C22orf42: variants seen among roughly 807,000 people sequenced by gnomAD.
The protein encoded by C22orf42 is uncharacterized protein C22orf42.
A neutral mutation model predicts 31.4 loss-of-function variants in C22orf42; 24 were observed. The ratio of observed to expected loss-of-function variants is 0.77; its 90% CI spans 0.55 to 1.08. The LOEUF (loss-of-function observed/expected upper bound fraction) is 1.08. Ranked by LOEUF, C22orf42 falls within the 50% of genes least tolerant of loss-of-function variation. The pLI, the probability that C22orf42 is intolerant of heterozygous loss-of-function variation, is 0.00. For missense variants in C22orf42, 276 were observed against 327.3 expected (o/e 0.84, Z 1.21); for synonymous variants, 96 against 112.7 (o/e 0.85, Z 0.94).
chr22:32,159,238 A>C lies in C22orf42; in HGVS notation c.-23T>G, dbSNP rs781361748. 3.7e-5 allele frequency: 60 copies of C among 1,609,288 alleles called. No homozygotes were observed. The highest frequency in any genetic ancestry group is 5.0e-5 in the Non-Finnish European group (59 of 1,179,638). ...CATTGGGCACCTAAACACACAAAAA[A>C]GTCCAAGAGGCACAAGGACAGAATG... On this transcript the variant is annotated 5_prime_UTR_variant, in exon 1 of 9. Transcript: ENST00000382097.
intron 1 of C22orf42, among the ~76,000 whole-genome samples, chr22:32,155,541 C>T (rs28507103): frequency 0.22 from 32,062 of 146,594 alleles, 3,550 homozygotes; most frequent in Middle Eastern, 0.29. Flanking sequence ...GCTTCTGCTT[C>T]CCCTGCTCCG....
At chr22:32,151,901 G>T (rs1920991514) in intron 4 of C22orf42, among the ~76,000 whole-genome samples, 166 bp downstream of exon 4, 1 of 152,154 alleles carries the variant, frequency 6.6e-6, no homozygotes, top group Admixed American at 6.5e-5. Flanking sequence ...GTGACTACTA[G>T]TGGGGTTTCT....
intron 1 of C22orf42, among the ~76,000 whole-genome samples, chr22:32,158,751 A>G (rs919632032): frequency 3.9e-5 from 6 of 152,212 alleles, no homozygotes; most frequent in Non-Finnish European, 7.3e-5. Context: ...TTGAAATTTT[A>G]CTGAGAAAAG....
chr22:32,153,085 A>C (rs958224060), intron 2 of C22orf42, among the ~76,000 whole-genome samples: 4 of 152,234 alleles, frequency 2.6e-5, no homozygotes, highest in Admixed American at 2.6e-4. Context: ...TTAAGTGTGC[A>C]TTTTAATGAG....
At chr22:32,150,938 A>G in intron 6 of C22orf42, 54 bp downstream of exon 6, 4 of 1,534,316 alleles carry the variant, frequency 2.6e-6, no homozygotes, top group Non-Finnish European at 3.6e-6. Flanking sequence ...AAATGGGTGA[A>G]TGTTTTGCAT....
Position 32,159,234 on chromosome 22 carries a change from A to C in C22orf42, c.-19T>G. 2 of 1,610,004 alleles carry C rather than the reference A, an allele frequency of 1.2e-6. No homozygotes were observed. The highest frequency in any genetic ancestry group is 1.7e-6 in the Non-Finnish European group (2 of 1,179,744). On this transcript the variant is annotated 5_prime_UTR_variant, in exon 1 of 9. Coordinates refer to ENST00000382097, the MANE Select transcript of C22orf42 (RefSeq NM_001010859.3). ...TCCCCATTGGGCACCTAAACACACA[A>C]AAAAGTCCAAGAGGCACAAGGACAG...
intron 3 of C22orf42, 150 bp from the exon 4 acceptor site, chr22:32,152,244 C>T (rs1450986427): frequency 1.1e-6 from 1 of 934,714 alleles, no homozygotes; most frequent in Non-Finnish European, 1.7e-6. Context: ...ATAGAGGATG[C>T]TTGTGGAAAA....
At chr22:32,159,346 T>C (rs546445829), upstream of C22orf42, 32 of 1,447,630 alleles carry the variant, frequency 2.2e-5, no homozygotes, top group African/African-American at 4.6e-4. Context: ...CCACAAAACC[T>C]CCTATGTCAC....
chr22:32,157,966 C>T (rs1014748565), intron 1 of C22orf42, among the ~76,000 whole-genome samples: 26 of 152,218 alleles, frequency 1.7e-4, no homozygotes, highest in African/African-American at 5.1e-4. Flanking sequence ...TGCAGGGGGG[C>T]GGGGGTTGTT....
intron 2 of C22orf42, among the ~76,000 whole-genome samples, chr22:32,153,513 G>T (rs548180927): frequency 6.6e-6 from 1 of 152,304 alleles, no homozygotes; most frequent in East Asian, 1.9e-4. Context: ...CAAAACTCAG[G>T]AGAAATAGAT....
rs902174114 is a variant in C22orf42, at chr22:32,149,307, C to T, written c.*233G>A. 9.5e-6 allele frequency: 3 copies of T among 314,346 alleles called. No individual in the cohort carries two copies. Among genetic ancestry groups the T allele is most frequent in the Non-Finnish European group, 1.7e-5 (3 of 178,858 alleles). 19.5% of individuals were successfully genotyped at this position (314,346 alleles called of 1,614,324 possible). On this transcript the variant is annotated 3_prime_UTR_variant, in exon 9 of 9. Coordinates refer to ENST00000382097, the MANE Select transcript of C22orf42 (RefSeq NM_001010859.3). ...CACTCTGTAATGACCCAGGATGGGG[C>T]GGGTGTTCTTCTGCATGGTGACTGA...
At chr22:32,152,732 T>G in intron 2 of C22orf42, 106 bp from the exon 3 acceptor site, 2 of 1,045,438 alleles carry the variant, frequency 1.9e-6, no homozygotes, top group Admixed American at 3.4e-5. Flanking sequence ...GGTGGGCGGT[T>G]GACAGGCATG....
At chr22:32,149,919 G>A in intron 7 of C22orf42, 139 bp from the exon 8 acceptor site, 1 of 625,980 alleles carries the variant, frequency 1.6e-6, no homozygotes, top group Non-Finnish European at 2.6e-6. Context: ...ATGAAGCATA[G>A]ACGATGTGTG....
intron 1 of C22orf42, among the ~76,000 whole-genome samples, chr22:32,155,065 T>C (rs1317869360): frequency 6.6e-6 from 1 of 152,190 alleles, no homozygotes; most frequent in African/African-American, 2.4e-5. Flanking sequence ...TTGAGTGACT[T>C]GCCCAGAGTT....
chr22:32,152,234 A>G (rs1603178862), intron 3 of C22orf42, 140 bp from the exon 4 acceptor site: 3 of 992,710 alleles, frequency 3.0e-6, no homozygotes, highest in Non-Finnish European at 4.6e-6. Context: ...CAAATAAAGC[A>G]TAGAGGATGC....
At chr22:32,154,196 C>T (rs772228736) in intron 2 of C22orf42, 48 bp downstream of exon 2, 2 of 1,605,240 alleles carry the variant, frequency 1.2e-6, no homozygotes, top group African/African-American at 2.7e-5. Flanking sequence ...AATGAATAAA[C>T]TGGAATTGTT....
chr22:32,159,802 G>A (rs1921493544), upstream of C22orf42: 1 of 158,934 alleles, frequency 6.3e-6, no homozygotes, highest in South Asian at 1.9e-4. Flanking sequence ...TGATGACTGC[G>A]ACTTGAATGA....
chr22:32,157,795 G>A (rs1326189276), intron 1 of C22orf42, among the ~76,000 whole-genome samples: 6 of 152,402 alleles, frequency 3.9e-5, no homozygotes, highest in African/African-American at 1.2e-4. Flanking sequence ...TGGTTACCAG[G>A]AAACAACCAA....
Position 32,152,620 on chromosome 22 carries a change from G to T in C22orf42, c.314C>A (p.Thr105Asn). 1 of 1,613,750 alleles carries T rather than the reference G, an allele frequency of 6.2e-7. No individual in the cohort carries two copies. The highest frequency in any genetic ancestry group is 8.5e-7 in the Non-Finnish European group (1 of 1,179,652). The change falls in exon 3 of 9, where the codon ACT becomes AAT. Residue 105 changes from threonine (T) to asparagine (N), a missense_variant. Physicochemically the swap from Thr to Asn is moderately conservative, Grantham distance 65. Transcript: ENST00000382097. ...GIWPLENIGP[T>N]EDVQASAHGG... ...GTGTGCAGACGCCTGCACATCTTCA[G>T]TGGGACCTAGGAGAACACAGAGTGA... is the stretch of plus-strand genomic sequence containing the variant.
Sources: allele counts gnomAD v4.1 joint callset (sites outside exome capture counted in the v4.1 genomes callset), GRCh38; gene constraint gnomAD v4.1.1; transcripts MANE v1.5; gene names NCBI Gene and HGNC (gene_info 2026-07-23, HGNC 2026-07-21).